Variants in C2orf80 observed in about 807,000 individuals in gnomAD.
The protein encoded by C2orf80 is chromosome 2 open reading frame 80.
A neutral mutation model predicts 30.2 loss-of-function variants in C2orf80; 28 were observed. The observed-to-expected ratio is 0.93, with a 90% confidence interval of 0.69 to 1.27. The LOEUF (loss-of-function observed/expected upper bound fraction) is 1.27. Ranked by LOEUF, C2orf80 falls within the 50% of genes most tolerant of loss-of-function variation. C2orf80 has a pLI of 0.00. For missense variants in C2orf80, 220 were observed against 231.0 expected (o/e 0.95, Z 0.31); for synonymous variants, 80 against 76.4 (o/e 1.05, Z -0.24).
intron 8 of C2orf80, among the ~76,000 whole-genome samples, chr2:208,169,190 G>A (rs745411958): frequency 6.6e-6 from 1 of 151,822 alleles, no homozygotes; most frequent in Non-Finnish European, 1.5e-5. Context: ...GTCCATTGAT[G>A]AGGCTTGCGG....
chr2:208,177,120 A>ATT (rs1696378624), intron 6 of C2orf80, among the ~76,000 whole-genome samples: 1 of 146,808 alleles, frequency 6.8e-6, no homozygotes. Context: ...CAATGGCTCG[A>ATT]TTTTATATAT....
chr2:208,170,992 C>G lies in C2orf80; in HGVS notation c.526G>C (p.Glu176Gln), dbSNP rs775583252. 6 of 1,614,164 alleles carry G rather than the reference C, an allele frequency of 3.7e-6. No homozygotes were observed. In the Admixed American group the frequency reaches 1.0e-4, roughly 27 times the overall value. ...GAAAACCTTTGTGATGATTTCCATT[C>G]TGTGGCATTTGCTTCCTTTGCAGAG... Reference protein sequence around the residue: ...SISAKEANATEWKSSQRFSDT... With the variant: ...SISAKEANATQWKSSQRFSDT... The change falls in exon 8 of 9, where the codon GAA becomes CAA. Residue 176 changes from glutamate to glutamine, a missense_variant. By Grantham distance (29) the Glu-to-Gln change is conservative. Coordinates refer to ENST00000341287, the MANE Select transcript of C2orf80 (RefSeq NM_001099334.3).
chr2:208,185,906 T>C (rs1428516014), intron 2 of C2orf80, among the ~76,000 whole-genome samples: 2 of 152,222 alleles, frequency 1.3e-5, no homozygotes, highest in Non-Finnish European at 2.9e-5. Context: ...ATGAGATATG[T>C]GGAAGAGTTG....
At chr2:208,181,726 C>T (rs1230250183) in intron 4 of C2orf80, among the ~76,000 whole-genome samples, 5 of 152,022 alleles carry the variant, frequency 3.3e-5, no homozygotes, top group East Asian at 1.9e-4. Context: ...GAGCTGTCAG[C>T]GTATTCCACC....
intron 6 of C2orf80, among the ~76,000 whole-genome samples, chr2:208,179,026 T>C (rs1472546622): frequency 1.3e-5 from 2 of 152,170 alleles, no homozygotes; most frequent in Non-Finnish European, 2.9e-5. Context: ...CCCAAAGTTC[T>C]GGGATTACAG....
At chr2:208,189,179 G>A (rs1029683130) in intron 1 of C2orf80, among the ~76,000 whole-genome samples, 3 of 152,140 alleles carry the variant, frequency 2.0e-5, no homozygotes, top group Non-Finnish European at 4.4e-5. Flanking sequence ...CAATTCCTTG[G>A]CAGGGAGTAA....
rs377540865 is a variant in C2orf80, at chr2:208,184,977, G to A, written c.97C>T (p.Arg33Trp). The A allele has an allele frequency of 2.8e-5, 45 of 1,613,560 alleles. No individual in the cohort carries two copies. In the Middle Eastern group the frequency reaches 1.6e-3, roughly 59 times the overall value. ...RENEFDPKGR[R>W]QLTFLDDMAH... is the part of the protein sequence containing the mutation. ...ATATCATCTAGAAAGGTGAGTTGCC[G>A]TCTTCCTTTTGGGTCAAATTCATTT... Residue 33 changes from arginine to tryptophan, a missense_variant, in exon 3 of 9, where the codon CGG (arginine) becomes TGG (tryptophan). Arg to Trp is a moderately radical substitution (Grantham distance 101, BLOSUM62 -3). Coordinates refer to ENST00000341287, the MANE Select transcript of C2orf80 (RefSeq NM_001099334.3).
chr2:208,173,469 A>G (rs1411452287), intron 6 of C2orf80, among the ~76,000 whole-genome samples: 1 of 151,950 alleles, frequency 6.6e-6, no homozygotes, highest in Non-Finnish European at 1.5e-5. Context: ...CTAAAAATAC[A>G]AAAAAATTAG....
At position 208,187,049 on chromosome 2, in the gene C2orf80, C is replaced by CT. The variant is rs1696739221; in HGVS notation, c.-64dup. 6.6e-7 allele frequency: 1 copy of CT among 1,517,406 alleles called. No individual in the cohort carries two copies. 94.0% of individuals were successfully genotyped at this position (1,517,406 alleles called of 1,614,324 possible). ...AACACTACACTTAGACCCAGCTTCT[C>CT]TGAGTCTAGAGGCTACAGCAGCAAA... On this transcript the variant is annotated 5_prime_UTR_variant, in exon 2 of 9. It introduces an in-frame stop codon into an upstream open reading frame of the 5' UTR. Coordinates refer to ENST00000341287, the MANE Select transcript of C2orf80 (RefSeq NM_001099334.3).
chr2:208,185,778 T>C (rs1474701391), intron 2 of C2orf80, among the ~76,000 whole-genome samples: 1 of 152,208 alleles, frequency 6.6e-6, no homozygotes, highest in East Asian at 1.9e-4. Context: ...TAAGCTTAAC[T>C]AGATTGATAA....
intron 6 of C2orf80, among the ~76,000 whole-genome samples, chr2:208,178,839 C>T (rs56091228): frequency 0.051 from 7,753 of 152,084 alleles, 605 homozygotes; most frequent in African/African-American, 0.17. Flanking sequence ...CTCACTGCAA[C>T]GTCCGTCTTC....
chr2:208,181,214 T>A lies in C2orf80; in HGVS notation c.294+4A>T, dbSNP rs753611167. 1 of 1,574,410 alleles carries A rather than the reference T, an allele frequency of 6.4e-7. No homozygotes were observed. The highest frequency in any genetic ancestry group is 8.7e-7 in the Non-Finnish European group (1 of 1,144,274). Reference sequence around the variant, plus strand: ...ATATAGGCAGATAGTATTCTTTTCCTTACCATTAAGATTCCAGCATAAGAT... The same window carrying A: ...ATATAGGCAGATAGTATTCTTTTCCATACCATTAAGATTCCAGCATAAGAT... On this transcript the variant is annotated splice_donor_region_variant and intron_variant, in intron 5 of 8. Coordinates refer to ENST00000341287, the MANE Select transcript of C2orf80 (RefSeq NM_001099334.3).
intron 6 of C2orf80, among the ~76,000 whole-genome samples, chr2:208,178,900 G>C (rs1696458173): frequency 6.6e-6 from 1 of 152,090 alleles, no homozygotes; most frequent in Admixed American, 6.5e-5. Flanking sequence ...TGGGATTACA[G>C]GCGACCGCCA....
chr2:208,170,876 C>G, intron 8 of C2orf80, 69 bp downstream of exon 8: 1 of 1,264,590 alleles, frequency 7.9e-7, no homozygotes, highest in Non-Finnish European at 1.2e-6. Context: ...GACTTTTAAC[C>G]ACGGTATCAG....
At position 208,176,926 on chromosome 2, in the gene C2orf80, C is replaced by CAG. The variant is rs1310991353; in HGVS notation, c.366+3818_366+3819insCT. 1.5e-3 allele frequency among the ~76,000 whole-genome samples: 117 copies of CAG among 80,190 alleles called. 12 individuals are homozygous for CAG. The highest frequency in any genetic ancestry group is 4.2e-3 in the African/African-American group (101 of 23,780). 52.6% of individuals were successfully genotyped at this position (80,190 alleles called of 152,430 possible). A position where few individuals can be genotyped will look rare whatever the true frequency, so the allele number is the denominator to read the frequency against. On this transcript the variant is annotated intron_variant, in intron 6 of 8. Transcript: ENST00000341287. Reference sequence around the variant, plus strand: ...ATATCTGTGTATACATATCTGTATACATATGTATACATATCTGTATACATA... The same window carrying CAG: ...ATATCTGTGTATACATATCTGTATACAGATATGTATACATATCTGTATACATA...
intron 3 of C2orf80, 32 bp downstream of exon 3, chr2:208,184,919 A>C (rs773169908): frequency 2.6e-6 from 4 of 1,556,148 alleles, no homozygotes; most frequent in Non-Finnish European, 3.5e-6. Context: ...ATATAACACA[A>C]ATATGACTCG....
Position 208,189,959 on chromosome 2 carries a change from G to A in C2orf80, c.-82C>T. 3 of 702,970 alleles carry A rather than the reference G, an allele frequency of 4.3e-6. No homozygotes were observed. In the South Asian group the frequency reaches 4.4e-5, roughly 10 times the overall value. The allele number at this position is 702,970 out of a possible 1,614,324, so 43.5% of individuals were successfully genotyped here. On this transcript the variant is annotated 5_prime_UTR_variant, in exon 1 of 9. Transcript: ENST00000341287. ...CCCTTTGAGAATCGCTCACCAACCG[G>A]AGACCGGTTCCAGTGCTTTTGTTCT... is the stretch of plus-strand genomic sequence containing the variant.
intron 6 of C2orf80, among the ~76,000 whole-genome samples, chr2:208,180,298 A>C (rs916015244): frequency 6.6e-6 from 1 of 152,042 alleles, no homozygotes; most frequent in Non-Finnish European, 1.5e-5. Context: ...AAAAAATACA[A>C]AAATTAGCCG....
At chr2:208,167,769 G>T (rs1695948472) in intron 8 of C2orf80, among the ~76,000 whole-genome samples, 3 of 151,748 alleles carry the variant, frequency 2.0e-5, no homozygotes, top group South Asian at 4.1e-4. Context: ...TAGAGATGGG[G>T]TTTGCCATGT....
Sources: gnomAD v4.1 joint callset for allele counts (sites outside exome capture counted in the v4.1 genomes callset) on GRCh38, gnomAD v4.1.1 for gene constraint, MANE v1.5 for transcripts, NCBI Gene and HGNC (gene_info 2026-07-23, HGNC 2026-07-21) for gene names.